Variants in EPB41L3 observed in about 807,000 individuals in gnomAD.
EPB41L3 encodes the protein erythrocyte membrane protein band 4.1 like 3, also known as band 4.1-like protein 3.
In EPB41L3, 57 loss-of-function variants were observed where a neutral mutation model predicts 127.1. The ratio of observed to expected loss-of-function variants is 0.45; its 90% CI spans 0.36 to 0.56. The LOEUF (loss-of-function observed/expected upper bound fraction) is 0.56. EPB41L3 is among the 20% of genes least tolerant of loss of function. EPB41L3 has a pLI of 0.00. For synonymous variants in EPB41L3, 572 were observed against 549.5 expected (o/e 1.04, Z -0.57); for missense variants, 1,273 against 1,372.2 (o/e 0.93, Z 1.14).
intron 3 of EPB41L3, among the ~76,000 whole-genome samples, chr18:5,600,428 T>A (rs891894192): frequency 3.3e-5 from 5 of 152,186 alleles, no homozygotes; most frequent in Non-Finnish European, 7.4e-5. Flanking sequence ...ATAAATCACA[T>A]GAATGATCTG....
chr18:5,416,138 TC>T lies in EPB41L3; in HGVS notation c.1746del (p.Thr583ProfsTer18). The part of the protein sequence containing the change: ...AFSYRQQTGK[G>X]TTLFSFSLQL... The stretch of plus-strand genomic sequence containing the variant: ...TGCAAGGAGAAGGAGAACAGGGTGG[TC>T]CCCTTGCCAGTTTGCTGTCTGTAGC... On this transcript the variant is annotated frameshift_variant, in exon 13 of 23. Coordinates refer to ENST00000341928, the MANE Select transcript of EPB41L3 (RefSeq NM_012307.5). LOFTEE classifies it high-confidence loss of function. The T allele has an allele frequency of 3.1e-6, 5 of 1,613,572 alleles. No individual in the cohort carries two copies. The highest frequency in any genetic ancestry group is 4.2e-6 in the Non-Finnish European group (5 of 1,179,762).
intron 1 of EPB41L3, among the ~76,000 whole-genome samples, chr18:5,490,897 G>C (rs907952197): frequency 3.9e-5 from 6 of 152,112 alleles, no homozygotes; most frequent in Non-Finnish European, 5.9e-5. Flanking sequence ...CCAAATATAA[G>C]CCAAGCACTG....
At chr18:5,434,164 G>C (rs758917390) in intron 6 of EPB41L3, 43 bp from the exon 7 acceptor site, 9 of 1,547,252 alleles carry the variant, frequency 5.8e-6, no homozygotes, top group Non-Finnish European at 8.0e-6. Flanking sequence ...GCAGCATGAG[G>C]ATACAGGAAA....
At chr18:5,579,098 C>T (rs905924684) in intron 3 of EPB41L3, among the ~76,000 whole-genome samples, 1 of 152,190 alleles carries the variant, frequency 6.6e-6, no homozygotes, top group Non-Finnish European at 1.5e-5. Context: ...GTTATTACAG[C>T]ATATCACAAT....
chr18:5,409,948 G>A (rs1345267397), intron 14 of EPB41L3, among the ~76,000 whole-genome samples: 3 of 151,924 alleles, frequency 2.0e-5, no homozygotes, highest in Non-Finnish European at 2.9e-5. Context: ...AGAAATAACA[G>A]TATATCTTCT....
intron 1 of EPB41L3, among the ~76,000 whole-genome samples, chr18:5,620,334 C>T (rs2094846440): frequency 6.6e-6 from 1 of 152,064 alleles, no homozygotes; most frequent in African/African-American, 2.4e-5. Flanking sequence ...ACTACAGAGA[C>T]CAATGCTACA....
At chr18:5,583,617 A>G (rs1161778521) in intron 3 of EPB41L3, among the ~76,000 whole-genome samples, 1 of 152,244 alleles carries the variant, frequency 6.6e-6, no homozygotes, top group Admixed American at 6.5e-5. Context: ...AAATACGTCA[A>G]CATGTCTGAA....
intron 1 of EPB41L3, among the ~76,000 whole-genome samples, chr18:5,536,649 C>CAA (rs34476027): frequency 7.5e-6 from 1 of 132,880 alleles, no homozygotes; most frequent in African/African-American, 2.7e-5. Context: ...ACTAAAAATT[C>CAA]AAAAAAAAAA....
chr18:5,411,043 A>G (rs550743307), intron 13 of EPB41L3, among the ~76,000 whole-genome samples: 30 of 152,370 alleles, frequency 2.0e-4, no homozygotes, highest in African/African-American at 7.2e-4. Context: ...AAGGTAAATG[A>G]AAATGTCAAT....
intron 3 of EPB41L3, among the ~76,000 whole-genome samples, chr18:5,473,703 C>T (rs1213495115): frequency 2.0e-5 from 3 of 152,012 alleles, no homozygotes; most frequent in African/African-American, 7.3e-5. Context: ...TTTATTTTCT[C>T]TTTTAAAATG....
rs528403065 is a variant in EPB41L3 at position 5,468,376 on chromosome 18, G to A, written c.381+9865C>T. Among the ~76,000 whole-genome samples the A allele has an allele frequency of 1.4e-3, 220 of 152,332 alleles. 1 individual carries two copies. The highest frequency in any genetic ancestry group is 5.0e-3 in the African/African-American group (209 of 41,586). On this transcript the variant is annotated intron_variant, in intron 3 of 22. Coordinates refer to ENST00000341928, the MANE Select transcript of EPB41L3 (RefSeq NM_012307.5). ...GGCCAGGCTCTCAGTTCCAGGTGGAGTCCGCGGCCCCCTGAGTGATAACTT... is the reference window on the plus strand; with the variant it reads ...GGCCAGGCTCTCAGTTCCAGGTGGAATCCGCGGCCCCCTGAGTGATAACTT...
chr18:5,525,679 A>G (rs1398757123), intron 1 of EPB41L3, among the ~76,000 whole-genome samples: 1 of 152,226 alleles, frequency 6.6e-6, no homozygotes, highest in Non-Finnish European at 1.5e-5. Flanking sequence ...ATACATATGC[A>G]TAGTTATTAT....
At chr18:5,613,296 C>T (rs1009308662) in intron 2 of EPB41L3, among the ~76,000 whole-genome samples, 2 of 152,124 alleles carry the variant, frequency 1.3e-5, no homozygotes, top group Non-Finnish European at 2.9e-5. Context: ...AAATGATGCC[C>T]ATAAAAGACC....
In EPB41L3 at chr18:5,488,958, G is replaced by C. The variant is rs554147102; in HGVS notation, c.183+43C>G. Reference sequence around the variant, plus strand: ...CAAGGTTAAAGCCGATCCTGGAGCAGCTCAGCAAACACTGCGTCATTAGTT... The same window carrying C: ...CAAGGTTAAAGCCGATCCTGGAGCACCTCAGCAAACACTGCGTCATTAGTT... On this transcript the variant is annotated intron_variant, in intron 2 of 22. Transcript: ENST00000341928. 112 of 1,539,934 alleles carry C rather than the reference G, an allele frequency of 7.3e-5. 1 individual carries two copies. The South Asian group carries it at 1.1e-3, about 15-fold the overall frequency.
At position 5,538,291 on chromosome 18, in the gene EPB41L3, G is replaced by A. The variant is rs575601477; in HGVS notation, c.-12+5622C>T. 2.0e-5 allele frequency among the ~76,000 whole-genome samples: 3 copies of A among 152,292 alleles called. No individual in the cohort carries two copies. The South Asian group carries it at 6.2e-4, about 32-fold the overall frequency. ...TCAACTTGGGTCACCACGAGCACTAGAAATGTATCACTTAAGAGTGCTCCA... is the reference window on the plus strand; with the variant it reads ...TCAACTTGGGTCACCACGAGCACTAAAAATGTATCACTTAAGAGTGCTCCA... On this transcript the variant is annotated intron_variant, in intron 1 of 22. Coordinates refer to ENST00000341928, the MANE Select transcript of EPB41L3 (RefSeq NM_012307.5).
At chr18:5,438,477 T>C (rs1232577072) in intron 5 of EPB41L3, among the ~76,000 whole-genome samples, 1 of 152,160 alleles carries the variant, frequency 6.6e-6, no homozygotes, top group Non-Finnish European at 1.5e-5. Context: ...AATTTCTGCA[T>C]AGCTCACAGA....
At chr18:5,414,501 T>C (rs192394616) in intron 13 of EPB41L3, among the ~76,000 whole-genome samples, 8 of 152,328 alleles carry the variant, frequency 5.3e-5, no homozygotes, top group Non-Finnish European at 1.0e-4. Flanking sequence ...TAATACTATA[T>C]ACTCACAGGT....
chr18:5,488,537 CAT>C (rs898293336), intron 2 of EPB41L3, among the ~76,000 whole-genome samples: 12 of 151,446 alleles, frequency 7.9e-5, no homozygotes, highest in South Asian at 6.3e-4. Flanking sequence ...ACGTTCTGCA[CAT>C]GTGTCCCAGA....
intron 1 of EPB41L3, among the ~76,000 whole-genome samples, chr18:5,490,501 A>G (rs2090455099): frequency 6.6e-6 from 1 of 152,216 alleles, no homozygotes; most frequent in Non-Finnish European, 1.5e-5. Flanking sequence ...TGGGTTTTCT[A>G]TTTAGGGTTA....
Sources: gnomAD v4.1 joint callset for allele counts (sites outside exome capture counted in the v4.1 genomes callset) on GRCh38, gnomAD v4.1.1 for gene constraint, MANE v1.5 for transcripts, NCBI Gene and HGNC (gene_info 2026-07-23, HGNC 2026-07-21) for gene names.